CSRP2: variants seen among roughly 807,000 people sequenced by gnomAD.
The protein encoded by CSRP2 is cysteine and glycine rich protein 2.
A neutral mutation model predicts 24.6 loss-of-function variants in CSRP2; 18 were observed. The observed-to-expected ratio is 0.73, with a 90% CI of 0.51 to 1.09. The LOEUF is 1.09. Ranked by LOEUF, CSRP2 falls within the 50% of genes least tolerant of loss-of-function variation. The pLI is 0.00. For missense variants in CSRP2, 215 were observed against 239.4 expected, an observed-to-expected ratio of 0.90 and a Z score of 0.67; for synonymous variants, 87 against 84.3, an observed-to-expected ratio of 1.03 and a Z score of -0.18.
rs1953728987 is a variant in CSRP2, at chr12:76,865,828, G to A, written c.112+321C>T. ...AATGGGAGCTAAGCCCTTGTAATGT[G>A]CCAGAAACTGTGCTAGGTGCCAGAC... is the stretch of plus-strand genomic sequence containing the variant. On this transcript the variant is annotated intron_variant, in intron 2 of 5. Transcript: ENST00000311083. 1.5e-5 allele frequency: 4 copies of A among 269,666 alleles called. No individual in the cohort carries two copies. In the South Asian group the frequency reaches 2.7e-4, roughly 18 times the overall value. 16.7% of individuals were successfully genotyped at this position (269,666 alleles called of 1,614,324 possible).
chr12:76,865,215 CTG>C (rs1953723179), intron 2 of CSRP2, among the ~76,000 whole-genome samples: 1 of 152,322 alleles, frequency 6.6e-6, no homozygotes, highest in South Asian at 2.1e-4. Flanking sequence ...ACAGATGAAA[CTG>C]AGAGCAATTT....
chr12:76,866,902 T>A (rs1953741314), intron 1 of CSRP2, among the ~76,000 whole-genome samples: 1 of 152,102 alleles, frequency 6.6e-6, no homozygotes, highest in Non-Finnish European at 1.5e-5. Context: ...CAAACGCCCA[T>A]CCAGATGGCT....
At chr12:76,864,640 AAGG>A (rs1445037461) in intron 2 of CSRP2, 2 of 90,352 alleles carry the variant, frequency 2.2e-5, no homozygotes, top group African/African-American at 7.9e-5. Flanking sequence ...AGAAAAATAA[AAGG>A]GGGGGGGTTG....
chr12:76,860,394 T>G lies in CSRP2; in HGVS notation c.301A>C (p.Thr101Pro), dbSNP rs1454609424. 2 of 1,613,536 alleles carry G rather than the reference T, an allele frequency of 1.2e-6. No homozygotes were observed. Among genetic ancestry groups the G allele is most frequent in the South Asian group, 1.1e-5 (1 of 91,018 alleles). Reference sequence around the variant, plus strand: ...AATTTAGAAGTGTTTGGATTTGTTGTAGGCCTGTGAGGCTGAACACTTGTG... The same window carrying G: ...AATTTAGAAGTGTTTGGATTTGTTGGAGGCCTGTGAGGCTGAACACTTGTG... ...KPESVQPHRP[T>P]TNPNTSKFAQ... The change falls in exon 4 of 6, where the codon ACA becomes CCA. Residue 101 changes from threonine (T) to proline (P), a missense_variant. By Grantham distance (38) the Thr-to-Pro change is conservative (BLOSUM62 -1). Transcript: ENST00000311083.
chr12:76,859,873 C>T (rs538395721), intron 4 of CSRP2, among the ~76,000 whole-genome samples: 47 of 152,324 alleles, frequency 3.1e-4, no homozygotes, highest in Middle Eastern at 3.4e-3. Context: ...CCAGTCTGCT[C>T]CTTTAAAGAG....
chr12:76,866,601 G>A (rs1276512336), intron 1 of CSRP2, among the ~76,000 whole-genome samples: 1 of 152,122 alleles, frequency 6.6e-6, no homozygotes, highest in Non-Finnish European at 1.5e-5. Context: ...GGAAAGGCAA[G>A]CCTTGTCCCC....
chr12:76,861,401 G>T (rs1319047577), intron 3 of CSRP2: 2 of 149,140 alleles, frequency 1.3e-5, no homozygotes, highest in Non-Finnish European at 1.5e-5. Context: ...AGGGTTCACT[G>T]GTCTTTGTGC....
chr12:76,873,391 T>C (rs928761740), intron 1 of CSRP2, among the ~76,000 whole-genome samples: 1 of 152,180 alleles, frequency 6.6e-6, no homozygotes, highest in Non-Finnish European at 1.5e-5. Context: ...GTTCTACAAA[T>C]TTTTTCTTCT....
chr12:76,871,723 C>T (rs1431196840), intron 1 of CSRP2, among the ~76,000 whole-genome samples: 2 of 151,034 alleles, frequency 1.3e-5, no homozygotes, highest in East Asian at 2.0e-4. Flanking sequence ...GAGATAGTGC[C>T]ACTGCAGTCC....
In CSRP2 at chr12:76,863,179, T is replaced by C. The variant is rs1448267305; in HGVS notation, c.278A>G (p.Glu93Gly). Residue 93 changes from glutamate to glycine, a missense_variant, in exon 3 of 6, where the codon GAG (glutamate) becomes GGG (glycine). Coordinates refer to ENST00000311083, the MANE Select transcript of CSRP2 (RefSeq NM_001321.3). ...AACCAACGGTCTCCCAACTCACCTC[T>C]CTGGTTTGATGCCCAGCCTCTCGCC... ...DRGERLGIKP[E>G]SVQPHRPTTN... The C allele has an allele frequency of 6.2e-7, 1 of 1,612,194 alleles. No homozygotes were observed.
chr12:76,870,066 T>A (rs1248174074), intron 1 of CSRP2, among the ~76,000 whole-genome samples: 1 of 152,246 alleles, frequency 6.6e-6, no homozygotes, highest in Non-Finnish European at 1.5e-5. Flanking sequence ...TTATATTGGA[T>A]CCCAAGTTAT....
intron 1 of CSRP2, among the ~76,000 whole-genome samples, chr12:76,872,440 T>C (rs951875282): frequency 6.6e-6 from 1 of 152,228 alleles, no homozygotes; most frequent in Non-Finnish European, 1.5e-5. Flanking sequence ...AAAAGTTTCT[T>C]GTAAAGCCCT....
chr12:76,877,969 CCCA>C (rs386764435), intron 1 of CSRP2, among the ~76,000 whole-genome samples: 102 of 118,088 alleles, frequency 8.6e-4, no homozygotes, highest in African/African-American at 3.2e-3. Context: ...GCCCCACCCC[CCCA>C]CCCCCCAAAA....
intron 2 of CSRP2, chr12:76,865,001 G>C (rs889042732): frequency 2.6e-5 from 4 of 152,274 alleles, no homozygotes; most frequent in Non-Finnish European, 5.9e-5. Context: ...TTCTTCCCCA[G>C]TCCTCATGCT....
intron 4 of CSRP2, among the ~76,000 whole-genome samples, chr12:76,860,076 C>T (rs1403079976): frequency 6.6e-6 from 1 of 152,122 alleles, no homozygotes; most frequent in Non-Finnish European, 1.5e-5. Context: ...CCTATGAAAA[C>T]AAGTTCTTTT....
intron 3 of CSRP2, chr12:76,861,202 G>A (rs947764409): frequency 2.0e-5 from 3 of 151,216 alleles, no homozygotes; most frequent in African/African-American, 7.3e-5. Context: ...TAAATTAGCT[G>A]AGCAGATAAA....
intron 2 of CSRP2, 107 bp from the exon 3 acceptor site, chr12:76,863,451 C>A: frequency 8.7e-7 from 1 of 1,148,490 alleles, no homozygotes; most frequent in East Asian, 2.5e-5. Flanking sequence ...CTGAGGCTCC[C>A]TCACATTCCT....
chr12:76,871,176 G>GAT (rs1325799771), intron 1 of CSRP2, among the ~76,000 whole-genome samples: 1 of 151,970 alleles, frequency 6.6e-6, no homozygotes, highest in African/African-American at 2.4e-5. Flanking sequence ...TAAAAATGGG[G>GAT]ATAGGTAGCT....
At chr12:76,878,305 G>C (rs1953872037) in intron 1 of CSRP2, 1 of 152,298 alleles carries the variant, frequency 6.6e-6, no homozygotes, top group Admixed American at 6.5e-5. Flanking sequence ...AGGAGTAAGT[G>C]ATTGACATTC....
Sources: gnomAD v4.1 joint callset for allele counts (sites outside exome capture counted in the v4.1 genomes callset) on GRCh38, gnomAD v4.1.1 for gene constraint, MANE v1.5 for transcripts, NCBI Gene and HGNC (gene_info 2026-07-23, HGNC 2026-07-21) for gene names.